The following KRT81 variants were observed in gnomAD, a reference collection of about 807,000 sequenced individuals.
The protein encoded by KRT81 is keratin, type II cuticular Hb1.
Under a neutral mutation model 35.8 loss-of-function variants are expected in KRT81, and 35 were observed. The observed-to-expected ratio is 0.98, with a 90% CI of 0.75 to 1.30. The LOEUF (loss-of-function observed/expected upper bound fraction) is 1.30. Among genes scored for constraint, KRT81 ranks in the 50% most tolerant of loss-of-function variants. The probability of loss-of-function intolerance (pLI) is 0.00; values close to 1 mark genes in which losing one functional copy is unlikely to be tolerated. For missense variants in KRT81, 531 were observed against 577.4 expected (o/e 0.92, Z 0.82); for synonymous variants, 249 against 251.2 (o/e 0.99, Z 0.08).
Position 52,287,779 on chromosome 12 carries a change from C to T in KRT81, c.901-58G>A, listed in dbSNP as rs1476040551. ...GGTGGGACCTCCCATCCATTCAGGA[C>T]ACCACAGATGATTTTGCAGGTTGTA... On this transcript the variant is annotated intron_variant, in intron 5 of 8. Coordinates refer to ENST00000327741, the MANE Select transcript of KRT81 (RefSeq NM_002281.4). 4 of 1,613,950 alleles carry T rather than the reference C, an allele frequency of 2.5e-6. No individual in the cohort carries two copies. The East Asian group carries it at 8.9e-5, about 36-fold the overall frequency.
Position 52,285,991 on chromosome 12 carries a change from A to G in KRT81, c.*264T>C, listed in dbSNP as rs1444717739. ...AGGCAGGAAGGCAGTTGCCGTGGGC[A>G]AGGTTCTGGTCCTGGCCCTTCCTGC... On this transcript the variant is annotated 3_prime_UTR_variant, in exon 9 of 9. Coordinates refer to ENST00000327741, the MANE Select transcript of KRT81 (RefSeq NM_002281.4). 2 of 531,318 alleles carry G rather than the reference A, an allele frequency of 3.8e-6. No individual in the cohort carries two copies. The highest frequency in any genetic ancestry group is 6.8e-6 in the Non-Finnish European group (2 of 294,806). The allele number at this position is 531,318 out of a possible 1,614,324, so 32.9% of individuals were successfully genotyped here.
In KRT81 at chr12:52,287,231, C is replaced by G. The variant is rs142439125; in HGVS notation, c.1118G>C (p.Gly373Ala). 3.1e-5 allele frequency: 50 copies of G among 1,614,122 alleles called. No individual in the cohort carries two copies. The highest frequency in any genetic ancestry group is 4.2e-5 in the Non-Finnish European group (49 of 1,180,036). Residue 373 changes from glycine to alanine, a missense_variant, in exon 7 of 9, where the codon GGC (glycine) becomes GCC (alanine). By Grantham distance (60) the Gly-to-Ala change is moderately conservative. Transcript: ENST00000327741. ...DARCKLAELE[G>A]ALQKAKQDMA... ...GTCCTGCTTGGCCTTCTGCAGGGCG[C>G]CCTCCAGCTCGGCCAGCTTGCAGCG...
chr12:52,291,335 C>A lies in KRT81; in HGVS notation c.131G>T (p.Gly44Val). ...TCCGCACACGCTGTGGCTGCCGAAGCCCCCGGTGAGGCCGCGGTAGCAGGA... is the reference window on the plus strand; with the variant it reads ...TCCGCACACGCTGTGGCTGCCGAAGACCCCGGTGAGGCCGCGGTAGCAGGA... Reference protein sequence around the residue: ...GISCYRGLTGGFGSHSVCGGF... With the variant: ...GISCYRGLTGVFGSHSVCGGF... Residue 44 changes from glycine (G) to valine (V), a missense_variant, in exon 1 of 9, where the codon GGC becomes GTC. By Grantham distance (109) the Gly-to-Val change is moderately radical. Transcript: ENST00000327741. 1 of 1,560,254 alleles carries A rather than the reference C, an allele frequency of 6.4e-7. No individual in the cohort carries two copies. Among genetic ancestry groups the A allele is most frequent in the South Asian group, 1.2e-5 (1 of 85,094 alleles).
At position 52,286,728 on chromosome 12, in the gene KRT81, C is replaced by T. The variant is rs1219575297; in HGVS notation, c.1279+63G>A. ...TCAATCTCAGTAACACTCCTTTTTCCAAACTCTGCCCTCCATCACAGGTAG... is the reference window on the plus strand; with the variant it reads ...TCAATCTCAGTAACACTCCTTTTTCTAAACTCTGCCCTCCATCACAGGTAG... On this transcript the variant is annotated intron_variant, in intron 8 of 8. Transcript: ENST00000327741. The T allele has an allele frequency of 9.0e-6, 14 of 1,550,244 alleles. No individual in the cohort carries two copies. In the Admixed American group the frequency reaches 1.9e-4, roughly 21 times the overall value.
At position 52,287,447 on chromosome 12, in the gene KRT81, C is replaced by T. The variant is rs1173054742; in HGVS notation, c.1027-125G>A. On this transcript the variant is annotated intron_variant, in intron 6 of 8. Coordinates refer to ENST00000327741, the MANE Select transcript of KRT81 (RefSeq NM_002281.4). ...GAACAGAGCCTCTTGCCTTTATCACCTGGGACTCATTGAGAGACCACGACC... is the reference window on the plus strand; with the variant it reads ...GAACAGAGCCTCTTGCCTTTATCACTTGGGACTCATTGAGAGACCACGACC... 1.7e-5 allele frequency: 27 copies of T among 1,571,588 alleles called. No individual in the cohort carries two copies. The Middle Eastern group carries it at 6.2e-4, about 36-fold the overall frequency.
At position 52,291,102 on chromosome 12, in the gene KRT81, C is replaced by G; in HGVS notation, c.364G>C (p.Asp122His). The G allele has an allele frequency of 1.4e-6, 1 of 707,724 alleles. No individual in the cohort carries two copies. The highest frequency in any genetic ancestry group is 2.1e-6 in the Non-Finnish European group (1 of 476,398). The allele number at this position is 707,724 out of a possible 1,614,324, so 43.8% of individuals were successfully genotyped here. A position where few individuals can be genotyped will look rare whatever the true frequency, so the allele number is the denominator to read the frequency against. ...GTGTGATCCAGGACACCCACCTTGT[C>G]GATGAAGGCCGCGAACCTGCTGTTG... ...SLNSRFAAFI[D>H]KVRFLEQQNK... The change falls in exon 1 of 9, where the codon GAC becomes CAC. Residue 122 changes from aspartate (D) to histidine (H), a missense_variant. Coordinates refer to ENST00000327741, the MANE Select transcript of KRT81 (RefSeq NM_002281.4).
chr12:52,287,876 C>T (rs1231976377), intron 5 of KRT81, 108 bp downstream of exon 5: 1 of 1,604,880 alleles, frequency 6.2e-7, no homozygotes, highest in East Asian at 2.2e-5. Context: ...GCAGCCCTCT[C>T]TTCTCATCCC....
chr12:52,287,953 G>T (rs763595422), intron 5 of KRT81, 31 bp downstream of exon 5: 22 of 1,613,968 alleles, frequency 1.4e-5, no homozygotes, highest in Non-Finnish European at 1.8e-5. Flanking sequence ...CCACTGACAC[G>T]TCTAGCAGGC....
At position 52,287,949 on chromosome 12, in the gene KRT81, A is replaced by C. The variant is rs7954186; in HGVS notation, c.900+35T>G. The stretch of plus-strand genomic sequence containing the variant: ...TAGATATCTCACATCCCTCCCACTG[A>C]CACGTCTAGCAGGCAGGTGTCCTGT... On this transcript the variant is annotated intron_variant, in intron 5 of 8. Transcript: ENST00000327741. 825,244 of 1,613,766 alleles carry C rather than the reference A, an allele frequency of 0.51. 216,273 individuals are homozygous for C. Among genetic ancestry groups the C allele is most frequent in the African/African-American group, 0.66 (49,238 of 74,964 alleles).
At chr12:52,287,457 T>C in intron 6 of KRT81, 135 bp from the exon 7 acceptor site, 5 of 1,576,454 alleles carry the variant, frequency 3.2e-6, no homozygotes, top group Non-Finnish European at 4.3e-6. Context: ...CTGGGACTCA[T>C]TGAGAGACCA....
At chr12:52,287,742 C>T in intron 5 of KRT81, 21 bp from the exon 6 acceptor site, 1 of 1,614,022 alleles carries the variant, frequency 6.2e-7, no homozygotes, top group South Asian at 1.1e-5. Flanking sequence ...TAGAGATGCT[C>T]ATGAGGTTCA....
chr12:52,286,716 C>A, intron 8 of KRT81, 75 bp downstream of exon 8: 1 of 1,483,736 alleles, frequency 6.7e-7, no homozygotes, highest in Non-Finnish European at 9.4e-7. Flanking sequence ...ATCTCAGTAA[C>A]ACTCCTTTTT....
chr12:52,286,693 T>C (rs1937950649), intron 8 of KRT81, 98 bp downstream of exon 8: 2 of 1,373,368 alleles, frequency 1.5e-6, no homozygotes, highest in East Asian at 4.6e-5. Context: ...GCCAGCCCAC[T>C]CTTTTATATT....
intron 6 of KRT81, 60 bp from the exon 7 acceptor site, chr12:52,287,382 CAA>C (rs1937981877): frequency 6.3e-7 from 1 of 1,599,786 alleles, no homozygotes; most frequent in Admixed American, 1.7e-5. Flanking sequence ...GATGCTCATC[CAA>C]ATGAGACCAC....
In KRT81 at chr12:52,291,234, T is replaced by G. The variant is rs1938107434; in HGVS notation, c.232A>C (p.Ile78Leu). ...GGVCGPSPPCITTVSVNESLL... is the reference protein window; with the variant it reads ...GGVCGPSPPCLTTVSVNESLL... ...CTCTCGTTGACCGACACGGTGGTGA[T>G]GCATGGGGGACTGGGCCCGCACACG... The change falls in exon 1 of 9, where the codon ATC (isoleucine) becomes CTC (leucine). Residue 78 changes from isoleucine (I) to leucine (L), a missense_variant. By Grantham distance (5) the Ile-to-Leu change is conservative. This residue lies in a region of KRT81 where 133 missense variants were observed against 125.9 expected (regional missense o/e 1.06). Transcript: ENST00000327741. 1 of 1,494,762 alleles carries G rather than the reference T, an allele frequency of 6.7e-7. No individual in the cohort carries two copies. The highest frequency in any genetic ancestry group is 9.0e-7 in the Non-Finnish European group (1 of 1,113,114). 92.6% of individuals were successfully genotyped at this position (1,494,762 alleles called of 1,614,324 possible).
chr12:52,286,677 T>C, intron 8 of KRT81, 114 bp downstream of exon 8: 1 of 1,280,138 alleles, frequency 7.8e-7, no homozygotes, highest in Non-Finnish European at 1.1e-6. Flanking sequence ...TCCCTCCTGT[T>C]GTGATGCCAG....
chr12:52,291,500 A>G lies in KRT81; in HGVS notation c.-35T>C, dbSNP rs765185794. On this transcript the variant is annotated 5_prime_UTR_variant, in exon 1 of 9. Coordinates refer to ENST00000327741, the MANE Select transcript of KRT81 (RefSeq NM_002281.4). The stretch of plus-strand genomic sequence containing the variant: ...GGACGTTTGGGTTGCAGAGGACAGG[A>G]TAGGGGACCTGGAGTCCTGATGGAA... 1.9e-6 allele frequency: 3 copies of G among 1,610,448 alleles called. No homozygotes were observed. Among genetic ancestry groups the G allele is most frequent in the Non-Finnish European group, 1.7e-6 (2 of 1,178,226 alleles).
chr12:52,286,204 G>T lies in KRT81; in HGVS notation c.*51C>A. On this transcript the variant is annotated 3_prime_UTR_variant, in exon 9 of 9. Coordinates refer to ENST00000327741, the MANE Select transcript of KRT81 (RefSeq NM_002281.4). Reference sequence around the variant, plus strand: ...CAGGCGCCTGGACTGGATGGGCCAAGCAAGGCAGGGCAGGAAAGATGCCTG... The same window carrying T: ...CAGGCGCCTGGACTGGATGGGCCAATCAAGGCAGGGCAGGAAAGATGCCTG... 1 of 1,486,204 alleles carries T rather than the reference G, an allele frequency of 6.7e-7. No individual in the cohort carries two copies. The highest frequency in any genetic ancestry group is 9.2e-7 in the Non-Finnish European group (1 of 1,088,478). 92.1% of individuals were successfully genotyped at this position (1,486,204 alleles called of 1,614,324 possible). A position where few individuals can be genotyped will look rare whatever the true frequency, so the allele number is the denominator to read the frequency against.
At chr12:52,288,588 C>T in intron 3 of KRT81, 132 bp from the exon 4 acceptor site, 1 of 1,103,532 alleles carries the variant, frequency 9.1e-7, no homozygotes. Context: ...CTTTCCTCCC[C>T]TTCTGCCCTT....
Sources: gnomAD v4.1 joint callset for allele counts on GRCh38, gnomAD v4.1.1 for gene constraint, gnomAD v4.1.1 regional missense constraint, MANE v1.5 for transcripts, NCBI Gene and HGNC (gene_info 2026-07-23, HGNC 2026-07-21) for gene names.